The following SUGCT variants were observed in gnomAD, a reference collection of about 807,000 sequenced individuals.
SUGCT encodes the protein succinyl-CoA:glutarate CoA-transferase.
A neutral mutation model predicts 55.0 loss-of-function variants in SUGCT; 41 were observed. The observed-to-expected ratio is 0.74, with a 90% CI of 0.58 to 0.97. SUGCT has a LOEUF of 0.97. SUGCT is among the 50% of genes least tolerant of loss of function. The pLI is 0.00. For missense variants in SUGCT, 568 were observed against 547.8 expected (o/e 1.04, Z -0.37); for synonymous variants, 187 against 200.4 (o/e 0.93, Z 0.56).
At chr7:40,157,250 C>A (rs1327576400) in intron 1 of SUGCT, among the ~76,000 whole-genome samples, 1 of 152,150 alleles carries the variant, frequency 6.6e-6, no homozygotes, top group Middle Eastern at 3.4e-3. Context: ...GGATCTTCCC[C>A]TTTTCTTCCC....
chr7:40,807,807 G>T lies in SUGCT; in HGVS notation c.1154-52509G>T, dbSNP rs1235613741. Among the ~76,000 whole-genome samples, 2 of 152,182 alleles carry T rather than the reference G, an allele frequency of 1.3e-5. 1 individual carries two copies. Among genetic ancestry groups the T allele is most frequent in the Non-Finnish European group, 2.9e-5 (2 of 68,032 alleles). On this transcript the variant is annotated intron_variant, in intron 13 of 13. Coordinates refer to ENST00000335693, the MANE Select transcript of SUGCT (RefSeq NM_001193313.2). ...CAATAGGTCATCTGCAAACTGAGGG[G>T]CAAGGAAGCCAGTCCGATTCCCAAA...
At chr7:40,794,126 T>C (rs183890633) in intron 13 of SUGCT, among the ~76,000 whole-genome samples, 1 of 152,294 alleles carries the variant, frequency 6.6e-6, no homozygotes, top group Non-Finnish European at 1.5e-5. Context: ...TTTATTTGTT[T>C]TGCTTTCTCT....
chr7:40,305,969 AT>A (rs914204917), intron 8 of SUGCT, among the ~76,000 whole-genome samples: 2 of 128,276 alleles, frequency 1.6e-5, no homozygotes, highest in African/African-American at 3.0e-5. Flanking sequence ...CTGGCCAGTT[AT>A]TTTATTTTAT....
intron 8 of SUGCT, among the ~76,000 whole-genome samples, chr7:40,308,197 C>G (rs566344306): frequency 1.3e-5 from 2 of 152,116 alleles, no homozygotes; most frequent in Admixed American, 1.3e-4. Context: ...AAGGATACAA[C>G]CAAAGATACA....
chr7:40,540,858 T>A (rs1264879494), intron 12 of SUGCT, among the ~76,000 whole-genome samples: 2 of 152,226 alleles, frequency 1.3e-5, no homozygotes, highest in African/African-American at 4.8e-5. Context: ...AAATGGATGC[T>A]GCTATTTTCA....
chr7:40,835,087 A>T (rs1181864943), intron 13 of SUGCT, among the ~76,000 whole-genome samples: 1 of 152,236 alleles, frequency 6.6e-6, no homozygotes, highest in Non-Finnish European at 1.5e-5. Context: ...CGCTAGCCAC[A>T]TGTGGCTGTC....
At chr7:40,389,311 C>T (rs77419459) in intron 9 of SUGCT, among the ~76,000 whole-genome samples, 6,682 of 151,900 alleles carry the variant, frequency 0.044, 493 homozygotes, top group African/African-American at 0.15. Flanking sequence ...GAGCTGGGCA[C>T]GGTGGCAGAC....
chr7:40,619,956 A>G (rs570472898), intron 12 of SUGCT, among the ~76,000 whole-genome samples: 14 of 152,330 alleles, frequency 9.2e-5, no homozygotes, highest in African/African-American at 3.1e-4. Context: ...GCTTTCCTCT[A>G]TATTTTACCA....
At chr7:40,596,782 A>G (rs1311807058) in intron 12 of SUGCT, among the ~76,000 whole-genome samples, 1 of 152,110 alleles carries the variant, frequency 6.6e-6, no homozygotes, top group Non-Finnish European at 1.5e-5. Flanking sequence ...ACCTCCTTTT[A>G]AGGGCTCTTA....
chr7:41,001,786 G>T, the SUGCT span, among the ~76,000 whole-genome samples: 1 of 152,162 alleles, frequency 6.6e-6, no homozygotes, highest in Non-Finnish European at 1.5e-5. Context: ...CACATTGGTG[G>T]TGAGGATTTA....
chr7:40,590,240 T>A (rs924858346), intron 12 of SUGCT, among the ~76,000 whole-genome samples: 4 of 152,214 alleles, frequency 2.6e-5, no homozygotes, highest in Admixed American at 1.3e-4. Context: ...TCATTGGGCC[T>A]TCCTATTTCC....
At chr7:40,476,384 G>C (rs1207165864) in intron 11 of SUGCT, among the ~76,000 whole-genome samples, 1 of 151,844 alleles carries the variant, frequency 6.6e-6, no homozygotes, top group African/African-American at 2.4e-5. Flanking sequence ...TTAATTATCT[G>C]CCATTTTTTT....
chr7:41,026,252 TG>T, the SUGCT span, among the ~76,000 whole-genome samples: 1 of 152,090 alleles, frequency 6.6e-6, no homozygotes, highest in African/African-American at 2.4e-5. Context: ...AACCACCGAA[TG>T]GTGATGGTCC....
the SUGCT span, chr7:40,966,935 T>G: frequency 1.3e-5 from 2 of 152,192 alleles, no homozygotes; most frequent in African/African-American, 2.4e-5. Context: ...CCCAGAGATG[T>G]GTATCTTAGC....
chr7:41,030,070 G>A, the SUGCT span, among the ~76,000 whole-genome samples: 1 of 152,152 alleles, frequency 6.6e-6, no homozygotes, highest in Non-Finnish European at 1.5e-5. Flanking sequence ...GCTTCTCCAT[G>A]TCTTTTCATG....
At chr7:40,499,023 C>T (rs1167781712) in intron 12 of SUGCT, 6 of 455,258 alleles carry the variant, frequency 1.3e-5, no homozygotes, top group Non-Finnish European at 2.6e-5. Context: ...AAGGTATCCT[C>T]CCTTGTTTTG....
intron 13 of SUGCT, among the ~76,000 whole-genome samples, chr7:40,787,147 A>G (rs1270531240): frequency 2.0e-5 from 3 of 152,204 alleles, no homozygotes; most frequent in Non-Finnish European, 4.4e-5. Context: ...TTTCATTTCT[A>G]ATAAGGAAGA....
At chr7:40,647,087 G>A (rs1352448891) in intron 12 of SUGCT, among the ~76,000 whole-genome samples, 1 of 152,182 alleles carries the variant, frequency 6.6e-6, no homozygotes, top group Non-Finnish European at 1.5e-5. Flanking sequence ...GCTTGACAGG[G>A]CAAAGCAGGA....
chr7:40,795,179 AC>A (rs1790492818), intron 13 of SUGCT, among the ~76,000 whole-genome samples: 1 of 151,910 alleles, frequency 6.6e-6, no homozygotes, highest in African/African-American at 2.4e-5. Context: ...GATAACTTAT[AC>A]CCCTGTCTTC....
Sources: allele counts gnomAD v4.1 joint callset (sites outside exome capture counted in the v4.1 genomes callset), GRCh38; gene constraint gnomAD v4.1.1; transcripts MANE v1.5; gene names NCBI Gene and HGNC (gene_info 2026-07-23, HGNC 2026-07-21).